The following ALKBH1 variants were observed in gnomAD, a reference collection of about 807,000 sequenced individuals.
The protein encoded by ALKBH1 is nucleic acid dioxygenase ALKBH1.
A neutral mutation model predicts 36.6 loss-of-function variants in ALKBH1; 31 were observed. The ratio of observed to expected loss-of-function variants is 0.85; its 90% CI spans 0.64 to 1.14. ALKBH1 has a LOEUF of 1.14. ALKBH1 is among the 50% of genes most tolerant of loss of function. The pLI is 0.00. For synonymous variants in ALKBH1, 183 were observed against 186.6 expected, an observed-to-expected ratio of 0.98 and a Z score of 0.16; for missense variants, 490 against 497.3, an observed-to-expected ratio of 0.99 and a Z score of 0.14.
chr14:77,683,653 C>A (rs916121204), intron 3 of ALKBH1: 1 of 251,230 alleles, frequency 4.0e-6, no homozygotes, highest in Admixed American at 5.0e-5. Flanking sequence ...CTCACCGCAG[C>A]CTCCACCTCC....
At chr14:77,689,736 G>A (rs1031882159) in intron 3 of ALKBH1, among the ~76,000 whole-genome samples, 3 of 151,788 alleles carry the variant, frequency 2.0e-5, no homozygotes, top group African/African-American at 7.3e-5. Flanking sequence ...CCACAATGAG[G>A]GTAACAGTGG....
chr14:77,675,425 C>G (rs1426250346), intron 5 of ALKBH1, among the ~76,000 whole-genome samples: 2 of 143,372 alleles, frequency 1.4e-5, no homozygotes, highest in African/African-American at 5.3e-5. Flanking sequence ...CAGAGCGAGA[C>G]TCTGTTTCAA....
intron 2 of ALKBH1, among the ~76,000 whole-genome samples, chr14:77,699,379 G>GAAT (rs1566817199): frequency 6.6e-6 from 1 of 152,076 alleles, no homozygotes; most frequent in East Asian, 1.9e-4. Flanking sequence ...TAAATTAATG[G>GAAT]AATAATGATA....
At chr14:77,693,440 G>C (rs976548890) in intron 3 of ALKBH1, among the ~76,000 whole-genome samples, 2 of 152,110 alleles carry the variant, frequency 1.3e-5, no homozygotes, top group African/African-American at 2.4e-5. Flanking sequence ...ATCTGCCTTT[G>C]AATCTCTAAC....
intron 3 of ALKBH1, 73 bp downstream of exon 3, chr14:77,694,665 A>T: frequency 7.8e-7 from 1 of 1,278,956 alleles, no homozygotes; most frequent in Non-Finnish European, 1.0e-6. Flanking sequence ...GCATTGTTAT[A>T]GAACAGTTCC....
chr14:77,675,590 G>T, intron 5 of ALKBH1, 66 bp downstream of exon 5: 1 of 1,429,892 alleles, frequency 7.0e-7, no homozygotes, highest in East Asian at 2.3e-5. Flanking sequence ...TTATTTTAGA[G>T]TAAAATGTCT....
intron 3 of ALKBH1, among the ~76,000 whole-genome samples, chr14:77,681,307 G>A (rs756286803): frequency 2.0e-5 from 3 of 152,198 alleles, no homozygotes; most frequent in African/African-American, 7.2e-5. Context: ...AAAGTCAGCT[G>A]TCGAATCAGT....
At chr14:77,674,347 T>C (rs1050534217) in intron 5 of ALKBH1, 106 bp from the exon 6 acceptor site, 3 of 1,217,514 alleles carry the variant, frequency 2.5e-6, no homozygotes, top group African/African-American at 3.1e-5. Flanking sequence ...TAATTTCAGG[T>C]TGATATTTAT....
chr14:77,677,332 G>C (rs1276579294), intron 4 of ALKBH1, among the ~76,000 whole-genome samples: 1 of 152,266 alleles, frequency 6.6e-6, no homozygotes, highest in Middle Eastern at 3.4e-3. Flanking sequence ...GAGCCACCAT[G>C]CCTGGCCTGG....
At chr14:77,687,905 C>CAT (rs1441424857) in intron 3 of ALKBH1, among the ~76,000 whole-genome samples, 2 of 51,338 alleles carry the variant, frequency 3.9e-5, no homozygotes, top group African/African-American at 1.2e-4. Context: ...ACGTGTAACT[C>CAT]CTCATCTCAT....
chr14:77,704,331 T>C (rs771441526), intron 2 of ALKBH1, 38 bp downstream of exon 2: 1 of 1,397,614 alleles, frequency 7.2e-7, no homozygotes, highest in South Asian at 1.2e-5. Context: ...CATAAATGAT[T>C]GAGTGATATT....
At chr14:77,705,299 G>A (rs2080382374) in intron 1 of ALKBH1, among the ~76,000 whole-genome samples, 1 of 150,960 alleles carries the variant, frequency 6.6e-6, no homozygotes, top group Non-Finnish European at 1.5e-5. Flanking sequence ...TGAAATCCCA[G>A]CTACGAGAGG....
chr14:77,696,597 A>T (rs953009137), intron 2 of ALKBH1: 1 of 152,408 alleles, frequency 6.6e-6, no homozygotes, highest in Admixed American at 6.6e-5. Flanking sequence ...GCTGTGACTG[A>T]CTTCAAATTG....
At position 77,688,542 on chromosome 14, in the gene ALKBH1, C is replaced by T. The variant is rs182711900; in HGVS notation, c.455+6196G>A. 7.5e-3 allele frequency among the ~76,000 whole-genome samples: 1,068 copies of T among 142,096 alleles called. 9 individuals carry two copies. The highest frequency in any genetic ancestry group is 0.027 in the African/African-American group (1,015 of 37,448). 93.2% of individuals were successfully genotyped at this position (142,096 alleles called of 152,430 possible). Reference sequence around the variant, plus strand: ...GTGCTGGGATTACAGGTGTGAGCCACTGCACCCAGCCTTTTTTTTTTTTTT... The same window carrying T: ...GTGCTGGGATTACAGGTGTGAGCCATTGCACCCAGCCTTTTTTTTTTTTTT... On this transcript the variant is annotated intron_variant, in intron 3 of 5. Transcript: ENST00000216489.
Position 77,679,975 on chromosome 14 carries a change from A to C in ALKBH1, c.456-5T>G. 1 of 1,611,126 alleles carries C rather than the reference A, an allele frequency of 6.2e-7. No individual in the cohort carries two copies. Among genetic ancestry groups the C allele is most frequent in the East Asian group, 2.2e-5 (1 of 44,858 alleles). The stretch of plus-strand genomic sequence containing the variant: ...CGTTTAGTCGCTTCTTTATACCTGC[A>C]AAGATTGGTGACAAAAGAGGAATTA... On this transcript the variant is annotated splice_region_variant and splice_polypyrimidine_tract_variant and intron_variant, in intron 3 of 5. Transcript: ENST00000216489.
Position 77,679,980 on chromosome 14 carries a change from T to C in ALKBH1, c.456-10A>G. 5.6e-6 allele frequency: 9 copies of C among 1,609,094 alleles called. No homozygotes were observed. The highest frequency in any genetic ancestry group is 2.2e-5 in the South Asian group (2 of 90,970). ...AGTCGCTTCTTTATACCTGCAAAGA[T>C]TGGTGACAAAAGAGGAATTATTCAT... On this transcript the variant is annotated splice_polypyrimidine_tract_variant and intron_variant, in intron 3 of 5. Coordinates refer to ENST00000216489, the MANE Select transcript of ALKBH1 (RefSeq NM_006020.3).
intron 3 of ALKBH1, chr14:77,683,556 CT>C: frequency 1.8e-6 from 1 of 557,866 alleles, no homozygotes. Context: ...TTCCCATTCC[CT>C]TAATGTCGAC....
chr14:77,700,132 T>C (rs575440904), intron 2 of ALKBH1, among the ~76,000 whole-genome samples: 2 of 152,142 alleles, frequency 1.3e-5, no homozygotes, highest in Non-Finnish European at 2.9e-5. Flanking sequence ...ATATCATCAA[T>C]GGTCCACTAT....
chr14:77,707,183 C>A (rs1436739935), intron 1 of ALKBH1, among the ~76,000 whole-genome samples: 2 of 152,344 alleles, frequency 1.3e-5, no homozygotes, highest in East Asian at 3.9e-4. Context: ...TGGGTTCAAG[C>A]GATCCACCCG....
Sources: gnomAD v4.1 joint callset for allele counts (sites outside exome capture counted in the v4.1 genomes callset) on GRCh38, gnomAD v4.1.1 for gene constraint, MANE v1.5 for transcripts, NCBI Gene and HGNC (gene_info 2026-07-23, HGNC 2026-07-21) for gene names.